The following ERC2 variants were observed in gnomAD, a reference collection of about 807,000 sequenced individuals.
The protein encoded by ERC2 is ERC protein 2.
A neutral mutation model predicts 114.8 loss-of-function variants in ERC2; 42 were observed. The ratio of observed to expected loss-of-function variants is 0.37; its 90% CI spans 0.29 to 0.47. The LOEUF is 0.47. ERC2 is among the 20% of genes least tolerant of loss of function. The probability of loss-of-function intolerance (pLI) is 0.99; values close to 1 mark genes in which losing one functional copy is unlikely to be tolerated. For synonymous variants in ERC2, 454 were observed against 425.5 expected (o/e 1.07, Z -0.82); for missense variants, 939 against 1,150.7 (o/e 0.82, Z 2.66).
At chr3:55,842,922 A>T (rs1870274) in intron 14 of ERC2, among the ~76,000 whole-genome samples, 25,737 of 150,850 alleles carry the variant, frequency 0.17, 2,450 homozygotes, top group East Asian at 0.23. Flanking sequence ...GGAGTGTGTG[A>T]GAGAGAGAGA....
At chr3:55,867,182 C>A (rs1039316088) in intron 14 of ERC2, among the ~76,000 whole-genome samples, 1 of 151,518 alleles carries the variant, frequency 6.6e-6, no homozygotes, top group Non-Finnish European at 1.5e-5. Context: ...TCCCACCTGC[C>A]TTTTTCCCTT....
chr3:56,347,211 G>T (rs909106225), intron 2 of ERC2, among the ~76,000 whole-genome samples: 1 of 152,120 alleles, frequency 6.6e-6, no homozygotes, highest in Non-Finnish European at 1.5e-5. Flanking sequence ...TGCTTGTAAA[G>T]CCCTCCACAG....
rs576286005 is a variant in ERC2 at position 56,280,052 on chromosome 3, T to C, written c.1074+15967A>G. Among the ~76,000 whole-genome samples the C allele has an allele frequency of 4.6e-5, 7 of 152,238 alleles. No individual in the cohort carries two copies. The South Asian group carries it at 1.5e-3, about 32-fold the overall frequency. The stretch of plus-strand genomic sequence containing the variant: ...TAACTAGGTGGGCCCAATGTAATCA[T>C]AAGGGTTTTGATAAGAGGGAGGCAA... On this transcript the variant is annotated intron_variant, in intron 3 of 17. Transcript: ENST00000288221.
chr3:55,971,377 G>C (rs561512141), intron 12 of ERC2, among the ~76,000 whole-genome samples: 2 of 151,958 alleles, frequency 1.3e-5, no homozygotes, highest in East Asian at 3.9e-4. Flanking sequence ...ACAAATGCTA[G>C]TAATAAAAAA....
chr3:55,658,513 A>C (rs1359872918), intron 17 of ERC2: 1 of 152,382 alleles, frequency 6.6e-6, no homozygotes, highest in Admixed American at 6.5e-5. Context: ...GTGCTGGGTG[A>C]AGGGTAACTG....
intron 2 of ERC2, chr3:56,434,139 T>A: frequency 1.1e-3 from 446 of 389,560 alleles, no homozygotes; most frequent in East Asian, 1.6e-3. Flanking sequence ...TCTGCAACCA[T>A]GTGAAAAGGT....
At chr3:56,314,725 C>T (rs1451640915) in intron 2 of ERC2, among the ~76,000 whole-genome samples, 1 of 152,128 alleles carries the variant, frequency 6.6e-6, no homozygotes, top group East Asian at 1.9e-4. Flanking sequence ...TCACTGAACA[C>T]TAGTGATGGC....
intron 11 of ERC2, among the ~76,000 whole-genome samples, chr3:55,990,509 T>C (rs2070978978): frequency 6.6e-6 from 1 of 152,040 alleles, no homozygotes; most frequent in Non-Finnish European, 1.5e-5. Context: ...ACTGCAGCCT[T>C]GAACTCCTGG....
intron 1 of ERC2, among the ~76,000 whole-genome samples, chr3:56,445,471 A>G (rs909985131): frequency 3.9e-5 from 6 of 152,186 alleles, no homozygotes; most frequent in African/African-American, 1.4e-4. Context: ...CATACCTCCT[A>G]AAGCTTCTCC....
chr3:56,181,433 C>T (rs1019121638), intron 3 of ERC2, among the ~76,000 whole-genome samples: 1 of 152,128 alleles, frequency 6.6e-6, no homozygotes. Flanking sequence ...GCTGCAATGG[C>T]AGAACTGAGT....
chr3:56,436,804 A>T (rs1309460291), intron 1 of ERC2, among the ~76,000 whole-genome samples: 1 of 152,254 alleles, frequency 6.6e-6, no homozygotes, highest in Non-Finnish European at 1.5e-5. Flanking sequence ...TAGAGCTGTG[A>T]GTACTTCAAT....
Position 56,273,262 on chromosome 3 carries a change from C to T in ERC2, c.1074+22757G>A, listed in dbSNP as rs73086407. On this transcript the variant is annotated intron_variant, in intron 3 of 17. Coordinates refer to ENST00000288221, the MANE Select transcript of ERC2 (RefSeq NM_015576.3). Reference sequence around the variant, plus strand: ...GACACCTCCCACTTTTTTTTTCTTTCTTTTTTTTTTTTTTTTGGTGACAGG... The same window carrying T: ...GACACCTCCCACTTTTTTTTTCTTTTTTTTTTTTTTTTTTTTGGTGACAGG... Among the ~76,000 whole-genome samples, 647 of 93,676 alleles carry T rather than the reference C, an allele frequency of 6.9e-3. 55 individuals carry two copies. Among genetic ancestry groups the T allele is most frequent in the Middle Eastern group, 0.012 (2 of 164 alleles). The allele number at this position is 93,676 out of a possible 152,430, so 61.5% of individuals were successfully genotyped here.
intron 2 of ERC2, among the ~76,000 whole-genome samples, chr3:56,415,595 C>T (rs2061119209): frequency 6.6e-6 from 1 of 152,214 alleles, no homozygotes; most frequent in Non-Finnish European, 1.5e-5. Flanking sequence ...TTAAGAACAA[C>T]CTCTTTTCCC....
intron 15 of ERC2, among the ~76,000 whole-genome samples, chr3:55,720,143 CTCTTCTTCTTCTTCTTCTTCTTCTTCT>C (rs1160295251): frequency 3.0e-4 from 1 of 3,316 alleles, no homozygotes; most frequent in Non-Finnish European, 6.3e-4. Flanking sequence ...CTTCTTCTTC[CTCTTCTTCTTCTTCTTCTTCTTCTTCT>C]TCTTCTTCTT....
chr3:55,740,912 T>C (rs911222303), intron 14 of ERC2, among the ~76,000 whole-genome samples: 1 of 152,174 alleles, frequency 6.6e-6, no homozygotes, highest in African/African-American at 2.4e-5. Context: ...ACAATGCTCA[T>C]TGCAGCGTTC....
At chr3:56,446,088 C>A (rs1271659373) in intron 1 of ERC2, among the ~76,000 whole-genome samples, 1 of 152,174 alleles carries the variant, frequency 6.6e-6, no homozygotes, top group Non-Finnish European at 1.5e-5. Flanking sequence ...TGTCCCTCCT[C>A]AGATCCCTGG....
intron 6 of ERC2, among the ~76,000 whole-genome samples, chr3:56,121,947 C>G (rs1262122019): frequency 1.3e-5 from 2 of 152,208 alleles, no homozygotes; most frequent in Non-Finnish European, 2.9e-5. Flanking sequence ...ATCCCACCTA[C>G]AGCTCAGCCC....
intron 14 of ERC2, among the ~76,000 whole-genome samples, chr3:55,778,158 A>C (rs2068761922): frequency 6.6e-6 from 1 of 152,244 alleles, no homozygotes; most frequent in Admixed American, 6.5e-5. Flanking sequence ...GCTTATGTAT[A>C]ACTAAATGAA....
At chr3:55,699,952 C>A (rs184379579) in intron 15 of ERC2, among the ~76,000 whole-genome samples, 109 of 152,272 alleles carry the variant, frequency 7.2e-4, no homozygotes, top group Non-Finnish European at 1.2e-3. Flanking sequence ...TACAGATAAA[C>A]AATGGTCTCA....
Sources: allele counts gnomAD v4.1 joint callset (sites outside exome capture counted in the v4.1 genomes callset), GRCh38; gene constraint gnomAD v4.1.1; transcripts MANE v1.5; gene names NCBI Gene and HGNC (gene_info 2026-07-23, HGNC 2026-07-21).